The following CNBD1 variants were observed in gnomAD, a reference collection of about 807,000 sequenced individuals.
CNBD1 encodes cyclic nucleotide-binding domain-containing protein 1.
CNBD1 carries 71 observed loss-of-function variants against 54.4 expected under a neutral mutation model. That is an observed-to-expected ratio of 1.30 (90% confidence interval 1.08 to 1.59). CNBD1 has a LOEUF of 1.59. CNBD1 is among the 40% of genes most tolerant of loss of function. CNBD1 has a pLI of 0.00. For missense variants in CNBD1, 659 were observed against 518.0 expected (o/e 1.27, Z -2.64); for synonymous variants, 182 against 170.7 (o/e 1.07, Z -0.51).
At chr8:87,152,169 C>T (rs1215656939) in intron 4 of CNBD1, among the ~76,000 whole-genome samples, 1 of 151,638 alleles carries the variant, frequency 6.6e-6, no homozygotes, top group Non-Finnish European at 1.5e-5. Context: ...AAGTTACACC[C>T]AGAGTGGAAT....
intron 8 of CNBD1, among the ~76,000 whole-genome samples, chr8:87,288,192 C>G (rs969688186): frequency 2.0e-5 from 3 of 151,966 alleles, no homozygotes; most frequent in Non-Finnish European, 4.4e-5. Flanking sequence ...TCACTGGTCT[C>G]TTTTGTTTTG....
intron 8 of CNBD1, among the ~76,000 whole-genome samples, chr8:87,343,086 A>C (rs780996769): frequency 9.9e-5 from 15 of 152,128 alleles, no homozygotes; most frequent in Admixed American, 2.0e-4. Flanking sequence ...CTTGCTGCAA[A>C]AAGAATTCAG....
intron 8 of CNBD1, among the ~76,000 whole-genome samples, chr8:87,310,809 G>C (rs1809248795): frequency 1.3e-5 from 2 of 152,076 alleles, no homozygotes; most frequent in Non-Finnish European, 2.9e-5. Flanking sequence ...AAAGAATAGA[G>C]AACCTAGAAA....
intron 6 of CNBD1, among the ~76,000 whole-genome samples, chr8:87,272,646 G>A (rs1341125128): frequency 6.6e-6 from 1 of 151,914 alleles, no homozygotes; most frequent in Non-Finnish European, 1.5e-5. Context: ...GATCATATCA[G>A]AGCAGTCAAT....
chr8:87,248,122 C>T (rs934025097), intron 6 of CNBD1, among the ~76,000 whole-genome samples: 1 of 152,150 alleles, frequency 6.6e-6, no homozygotes, highest in African/African-American at 2.4e-5. Context: ...CATGCACATC[C>T]TCCTGAAAAA....
At chr8:87,109,323 T>C (rs550160877) in intron 4 of CNBD1, among the ~76,000 whole-genome samples, 4 of 152,228 alleles carry the variant, frequency 2.6e-5, no homozygotes, top group Admixed American at 6.5e-5. Flanking sequence ...TTGACATCAG[T>C]ATTTATGCAC....
chr8:86,887,271 A>G (rs1808693814), intron 1 of CNBD1, among the ~76,000 whole-genome samples: 1 of 152,326 alleles, frequency 6.6e-6, no homozygotes, highest in African/African-American at 2.4e-5. Context: ...GAGAAGTGAC[A>G]TTATATGAAC....
intron 8 of CNBD1, among the ~76,000 whole-genome samples, chr8:87,307,124 C>T (rs1809168926): frequency 6.6e-6 from 1 of 152,280 alleles, no homozygotes; most frequent in East Asian, 1.9e-4. Flanking sequence ...TTAGATCTTT[C>T]TAACAGATTC....
intron 4 of CNBD1, among the ~76,000 whole-genome samples, chr8:87,193,991 A>G (rs1813662311): frequency 6.6e-6 from 1 of 152,196 alleles, no homozygotes; most frequent in Non-Finnish European, 1.5e-5. Context: ...GCCACACAGC[A>G]GGAGGTGAAT....
chr8:87,265,679 G>C (rs1808241264), intron 6 of CNBD1, among the ~76,000 whole-genome samples: 1 of 151,948 alleles, frequency 6.6e-6, no homozygotes, highest in Non-Finnish European at 1.5e-5. Flanking sequence ...TCTTAATAAA[G>C]TTTTTATGGA....
intron 4 of CNBD1, among the ~76,000 whole-genome samples, chr8:87,041,210 G>A (rs1810060532): frequency 6.6e-6 from 1 of 152,154 alleles, no homozygotes; most frequent in South Asian, 2.1e-4. Flanking sequence ...TAAACGGTTA[G>A]GGAATGACAG....
intron 4 of CNBD1, among the ~76,000 whole-genome samples, chr8:87,200,365 C>G (rs973210157): frequency 6.6e-6 from 1 of 152,070 alleles, no homozygotes; most frequent in African/African-American, 2.4e-5. Flanking sequence ...GAAAATAACT[C>G]ATGCTGTGAA....
intron 1 of CNBD1, among the ~76,000 whole-genome samples, chr8:86,884,485 A>G (rs1419884588): frequency 2.6e-5 from 4 of 152,312 alleles, no homozygotes; most frequent in African/African-American, 9.6e-5. Flanking sequence ...AACAAAAACT[A>G]GTTGAAAAAT....
intron 4 of CNBD1, among the ~76,000 whole-genome samples, chr8:87,155,992 G>C (rs1420393549): frequency 2.0e-5 from 3 of 151,926 alleles, no homozygotes; most frequent in Non-Finnish European, 4.4e-5. Flanking sequence ...TGAAACTTGG[G>C]AAAACAGACG....
intron 10 of CNBD1, among the ~76,000 whole-genome samples, chr8:87,372,231 G>A (rs2337037): frequency 0.019 from 2,871 of 151,822 alleles, 93 homozygotes; most frequent in African/African-American, 0.063. Context: ...GTGAACTCCC[G>A]TTCATAATTG....
At chr8:86,894,811 TTCTG>T (rs560156612) in intron 2 of CNBD1, among the ~76,000 whole-genome samples, 56 of 152,306 alleles carry the variant, frequency 3.7e-4, no homozygotes, top group Admixed American at 1.5e-3. Flanking sequence ...TCAGATTGCC[TTCTG>T]TCTTAGTCTG....
chr8:87,251,939 G>T (rs539975223), intron 6 of CNBD1, among the ~76,000 whole-genome samples: 1 of 152,012 alleles, frequency 6.6e-6, no homozygotes, highest in African/African-American at 2.4e-5. Flanking sequence ...ATGCTTATAG[G>T]TAGATTTGAA....
At chr8:87,024,238 C>CATAA (rs1809570870) in intron 4 of CNBD1, among the ~76,000 whole-genome samples, 1 of 45,012 alleles carries the variant, frequency 2.2e-5, no homozygotes, top group Admixed American at 2.3e-4. Flanking sequence ...GACTCCATCT[C>CATAA]AAAAAAAAAG....
intron 6 of CNBD1, 48 bp downstream of exon 6, chr8:87,237,160 T>A (rs930435241): frequency 8.0e-7 from 1 of 1,255,828 alleles, no homozygotes; most frequent in African/African-American, 1.5e-5. Context: ...GGTAACGGGC[T>A]TTTGTAAAAC....
Sources: allele counts gnomAD v4.1 joint callset (sites outside exome capture counted in the v4.1 genomes callset), GRCh38; gene constraint gnomAD v4.1.1; transcripts MANE v1.5; gene names NCBI Gene and HGNC (gene_info 2026-07-23, HGNC 2026-07-21).